Variants in CAAP1 observed in about 807,000 individuals in gnomAD.
The protein encoded by CAAP1 is conserved anti-apoptotic protein.
A neutral mutation model predicts 34.0 loss-of-function variants in CAAP1; 20 were observed. The observed-to-expected ratio is 0.59, with a 90% confidence interval of 0.41 to 0.86. The LOEUF (loss-of-function observed/expected upper bound fraction) is 0.86, where lower values mean the gene tolerates loss of function less well. Among genes scored for constraint, CAAP1 ranks in the 40% least tolerant of loss-of-function variants. The probability of loss-of-function intolerance (pLI) is 0.00; values close to 1 mark genes in which losing one functional copy is unlikely to be tolerated. For missense variants in CAAP1, 538 were observed against 450.5 expected, an observed-to-expected ratio of 1.19 and a Z score of -1.76; for synonymous variants, 213 against 166.7, an observed-to-expected ratio of 1.28 and a Z score of -2.14.
Position 26,886,850 on chromosome 9 carries a change from C to T in CAAP1, c.504+463G>A, listed in dbSNP as rs185114845. On this transcript the variant is annotated intron_variant, in intron 2 of 5. Coordinates refer to ENST00000333916, the MANE Select transcript of CAAP1 (RefSeq NM_024828.4). ...TTTAAATATACAAGGCTCCAAGAAC[C>T]AAATATATTATGGTTCTCTATTTTA... Among the ~76,000 whole-genome samples the T allele has an allele frequency of 7.9e-5, 12 of 152,258 alleles. No homozygotes were observed. The East Asian group carries it at 2.3e-3, about 29-fold the overall frequency.
intron 5 of CAAP1, among the ~76,000 whole-genome samples, chr9:26,860,169 G>C (rs796701799): frequency 5.3e-4 from 81 of 152,210 alleles, no homozygotes; most frequent in Admixed American, 1.8e-3. Context: ...ACAAATGTGA[G>C]CTGGCATTTG....
chr9:26,841,305 T>C lies in CAAP1; in HGVS notation c.*996A>G, dbSNP rs527737253. On this transcript the variant is annotated 3_prime_UTR_variant, in exon 6 of 6. Transcript: ENST00000333916. ...AGTTAAGGATCTCTACGTAAATTTATTTTGGTATCAAACAACTGCAATTAG... is the reference window on the plus strand; with the variant it reads ...AGTTAAGGATCTCTACGTAAATTTACTTTGGTATCAAACAACTGCAATTAG... The C allele has an allele frequency of 1.3e-5, 2 of 152,700 alleles. No individual in the cohort carries two copies. Among genetic ancestry groups the C allele is most frequent in the Non-Finnish European group, 2.9e-5 (2 of 67,972 alleles). The allele number at this position is 152,700 out of a possible 1,614,324, so 9.5% of individuals were successfully genotyped here. A position where few individuals can be genotyped will look rare whatever the true frequency, so the allele number is the denominator to read the frequency against.
intron 4 of CAAP1, 116 bp downstream of exon 4, chr9:26,884,694 A>T: frequency 1.3e-6 from 1 of 785,400 alleles, no homozygotes; most frequent in Non-Finnish European, 2.1e-6. Flanking sequence ...ATCTTTCTAT[A>T]CCACTGAATG....
intron 5 of CAAP1, among the ~76,000 whole-genome samples, chr9:26,854,042 A>G (rs1482283956): frequency 6.6e-6 from 1 of 152,208 alleles, no homozygotes; most frequent in African/African-American, 2.4e-5. Flanking sequence ...ACCAATGAGT[A>G]CAAGTTACGT....
intron 1 of CAAP1, 187 bp downstream of exon 1, chr9:26,892,226 G>T: frequency 1.0e-5 from 15 of 1,429,508 alleles, no homozygotes; most frequent in Non-Finnish European, 1.4e-5. Flanking sequence ...TGAAGTTCAA[G>T]ATTCAAGACA....
intron 1 of CAAP1, among the ~76,000 whole-genome samples, chr9:26,890,732 T>G (rs1013598466): frequency 6.6e-6 from 1 of 152,094 alleles, no homozygotes; most frequent in Non-Finnish European, 1.5e-5. Context: ...GATCACGAGG[T>G]CAGGAGATCA....
At chr9:26,886,316 A>G (rs1336214521) in intron 2 of CAAP1, 128 bp from the exon 3 acceptor site, 1 of 413,962 alleles carries the variant, frequency 2.4e-6, no homozygotes, top group African/African-American at 2.1e-5. Flanking sequence ...CCTCAAGTAG[A>G]TTCACATACA....
chr9:26,879,860 G>A (rs531622754), intron 4 of CAAP1, among the ~76,000 whole-genome samples: 47 of 152,302 alleles, frequency 3.1e-4, no homozygotes, highest in African/African-American at 7.7e-4. Flanking sequence ...TACTTCTGAG[G>A]TTTTGGGACT....
At chr9:26,843,500 A>G (rs1051359966) in intron 5 of CAAP1, among the ~76,000 whole-genome samples, 1 of 150,374 alleles carries the variant, frequency 6.7e-6, no homozygotes, top group Non-Finnish European at 1.5e-5. Flanking sequence ...TTATTTTATT[A>G]TTATACTTTA....
intron 5 of CAAP1, among the ~76,000 whole-genome samples, chr9:26,854,770 G>C (rs1040931238): frequency 1.3e-5 from 2 of 152,112 alleles, no homozygotes; most frequent in Non-Finnish European, 2.9e-5. Flanking sequence ...CAAAAATATA[G>C]AAATGGCAAA....
chr9:26,866,595 G>A (rs966738372), intron 4 of CAAP1, among the ~76,000 whole-genome samples: 2 of 152,118 alleles, frequency 1.3e-5, no homozygotes, highest in African/African-American at 4.8e-5. Context: ...TAACATTTCT[G>A]AATAAGAGCA....
At chr9:26,847,202 T>A (rs933569764) in intron 5 of CAAP1, among the ~76,000 whole-genome samples, 1 of 36,380 alleles carries the variant, frequency 2.7e-5, no homozygotes, top group African/African-American at 1.3e-4. Flanking sequence ...AGCAATATTT[T>A]TTTTTTTTTT....
Position 26,887,125 on chromosome 9 carries a change from T to C in CAAP1, c.504+188A>G, listed in dbSNP as rs529622834. Among the ~76,000 whole-genome samples, 471 of 152,162 alleles carry C rather than the reference T, an allele frequency of 3.1e-3. 1 individual carries two copies. The highest frequency in any genetic ancestry group is 6.8e-3 in the Middle Eastern group (2 of 294). ...TACTCAGGAGGCTGAGGCAAGAGAA[T>C]TGCTTGAACCCGGGAGGCGGAGGTT... On this transcript the variant is annotated intron_variant, in intron 2 of 5. Transcript: ENST00000333916.
chr9:26,876,637 G>T (rs1354125053), intron 4 of CAAP1, among the ~76,000 whole-genome samples: 2 of 152,034 alleles, frequency 1.3e-5, no homozygotes, highest in Non-Finnish European at 2.9e-5. Flanking sequence ...ATTGTCTACA[G>T]TATTCACTAC....
At chr9:26,881,716 C>G (rs1045872378) in intron 4 of CAAP1, among the ~76,000 whole-genome samples, 2 of 152,138 alleles carry the variant, frequency 1.3e-5, no homozygotes, top group African/African-American at 4.8e-5. Context: ...TGGGGCACTG[C>G]TGTACAAATA....
chr9:26,886,527 A>G (rs1727571312), intron 2 of CAAP1, among the ~76,000 whole-genome samples: 1 of 152,244 alleles, frequency 6.6e-6, no homozygotes, highest in Non-Finnish European at 1.5e-5. Flanking sequence ...CTTTAGATAT[A>G]TGATCTCAGG....
At chr9:26,892,202 G>C (rs1587135059) in intron 1 of CAAP1, 7 of 1,345,628 alleles carry the variant, frequency 5.2e-6, no homozygotes, top group East Asian at 2.6e-5. Context: ...AAGTGATCAG[G>C]AAATCCAGAA....
intron 2 of CAAP1, among the ~76,000 whole-genome samples, chr9:26,886,418 A>G (rs969937816): frequency 6.6e-6 from 1 of 152,206 alleles, no homozygotes; most frequent in African/African-American, 2.4e-5. Flanking sequence ...TTACTATCAA[A>G]GAAAAAAACT....
At chr9:26,870,723 C>T (rs896974257) in intron 4 of CAAP1, among the ~76,000 whole-genome samples, 1 of 151,438 alleles carries the variant, frequency 6.6e-6, no homozygotes, top group Admixed American at 6.6e-5. Flanking sequence ...TTCAGGTGAT[C>T]CCCCTGCCTC....
Sources: allele counts gnomAD v4.1 joint callset (sites outside exome capture counted in the v4.1 genomes callset), GRCh38; gene constraint gnomAD v4.1.1; transcripts MANE v1.5; gene names NCBI Gene and HGNC (gene_info 2026-07-23, HGNC 2026-07-21).